SOS2: variants seen among roughly 807,000 people sequenced by gnomAD.
SOS2 encodes the protein son of sevenless homolog 2.
SOS2 carries 65 observed loss-of-function variants against 148.2 expected under a neutral mutation model. The ratio of observed to expected loss-of-function variants is 0.44; its 90% CI spans 0.36 to 0.54. The LOEUF is 0.54. Ranked by LOEUF, SOS2 falls within the 20% of genes least tolerant of loss-of-function variation. SOS2 has a pLI of 0.00. For synonymous variants in SOS2, 539 were observed against 537.1 expected, an observed-to-expected ratio of 1.00 and a Z score of -0.05; for missense variants, 1,341 against 1,590.2, an observed-to-expected ratio of 0.84 and a Z score of 2.67.
rs1372779475 is a variant in SOS2 at position 50,117,887 on chromosome 14, G to A, written c.*457C>T. ...GGTGTTATTCACAATTCTCCTAGAT[G>A]TAAAAACTAGAAGTAAAAACTAGAA... is the stretch of plus-strand genomic sequence containing the variant. On this transcript the variant is annotated 3_prime_UTR_variant, in exon 23 of 23. Coordinates refer to ENST00000216373, the MANE Select transcript of SOS2 (RefSeq NM_006939.4). 1 of 153,672 alleles carries A rather than the reference G, an allele frequency of 6.5e-6. No homozygotes were observed. Among genetic ancestry groups the A allele is most frequent in the East Asian group, 1.9e-4 (1 of 5,226 alleles). 9.5% of individuals were successfully genotyped at this position (153,672 alleles called of 1,614,324 possible).
intron 4 of SOS2, among the ~76,000 whole-genome samples, chr14:50,193,323 T>C (rs533203058): frequency 6.6e-6 from 1 of 152,268 alleles, no homozygotes; most frequent in Non-Finnish European, 1.5e-5. Context: ...ATTACAAGCG[T>C]GAACCACTGT....
chr14:50,203,135 G>GA (rs1466246619), intron 2 of SOS2, among the ~76,000 whole-genome samples: 4 of 152,074 alleles, frequency 2.6e-5, no homozygotes, highest in Non-Finnish European at 5.9e-5. Flanking sequence ...CAAAAAGAAA[G>GA]AAAGAAAGTT....
chr14:50,135,071 CAAAAAAAA>C (rs746540364), intron 18 of SOS2, among the ~76,000 whole-genome samples: 2 of 57,516 alleles, frequency 3.5e-5, no homozygotes, highest in Non-Finnish European at 6.7e-5. Context: ...GAGACTGTCT[CAAAAAAAA>C]AAAAAAAAAA....
chr14:50,202,301 C>T (rs1209212347), intron 2 of SOS2, among the ~76,000 whole-genome samples: 2 of 152,122 alleles, frequency 1.3e-5, no homozygotes, highest in Non-Finnish European at 2.9e-5. Flanking sequence ...GATTCATTGG[C>T]ATGAAAAACA....
intron 12 of SOS2, 177 bp downstream of exon 12, chr14:50,156,822 G>A (rs528812119): frequency 1.9e-4 from 66 of 338,540 alleles, no homozygotes; most frequent in African/African-American, 1.3e-3. Flanking sequence ...TAGCTTCACT[G>A]AGAAAGAACT....
At chr14:50,157,325 G>C (rs1884852840) in intron 11 of SOS2, among the ~76,000 whole-genome samples, 1 of 152,004 alleles carries the variant, frequency 6.6e-6, no homozygotes, top group African/African-American at 2.4e-5. Flanking sequence ...AAAAACTAAA[G>C]TTTTGTCTTT....
chr14:50,148,422 A>G (rs1273152858), intron 14 of SOS2, among the ~76,000 whole-genome samples: 1 of 152,056 alleles, frequency 6.6e-6, no homozygotes, highest in East Asian at 1.9e-4. Flanking sequence ...AAAAAAAAAA[A>G]AAAAAAAATT....
At chr14:50,192,654 A>T (rs184541325) in intron 4 of SOS2, among the ~76,000 whole-genome samples, 1 of 152,310 alleles carries the variant, frequency 6.6e-6, no homozygotes, top group East Asian at 1.9e-4. Flanking sequence ...ACTTGAGGTC[A>T]GGAGTTCGAG....
At chr14:50,125,829 T>C (rs1455292521) in intron 21 of SOS2, among the ~76,000 whole-genome samples, 1 of 152,218 alleles carries the variant, frequency 6.6e-6, no homozygotes, top group Non-Finnish European at 1.5e-5. Flanking sequence ...CTGGCAGTTT[T>C]ATTCTCCGGA....
At chr14:50,145,741 C>A in intron 14 of SOS2, 145 bp from the exon 15 acceptor site, 1 of 526,526 alleles carries the variant, frequency 1.9e-6, no homozygotes, top group Non-Finnish European at 3.4e-6. Flanking sequence ...GGAATAGACC[C>A]AAATAGCTAC....
intron 1 of SOS2, among the ~76,000 whole-genome samples, chr14:50,224,897 A>AAAAAAAAAAGAG (rs1477987016): frequency 6.6e-6 from 1 of 150,776 alleles, no homozygotes. Flanking sequence ...AAAAAAAAAA[A>AAAAAAAAAAGAG]AGAGAGAGAG....
rs149321983 is a variant in SOS2 at position 50,118,671 on chromosome 14, T to G, written c.3672A>C (p.Pro1224=). 3 of 1,613,692 alleles carry G rather than the reference T, an allele frequency of 1.9e-6. No homozygotes were observed. The highest frequency in any genetic ancestry group is 2.5e-6 in the Non-Finnish European group (3 of 1,179,946). Residue 1224 remains proline, a synonymous_variant, in exon 23 of 23, where the codon CCA becomes CCC. Transcript: ENST00000216373. Reference sequence around the variant, plus strand: ...TAAATGGACAGTTTATAAAGTGTTCTGGAGGCCGAAGGGGAACTGGTGGAG... The same window carrying G: ...TAAATGGACAGTTTATAAAGTGTTCGGGAGGCCGAAGGGGAACTGGTGGAG... ...DTPPPVPLRP[P]EHFINCPFNL... is the part of the protein sequence containing the mutation.
intron 7 of SOS2, among the ~76,000 whole-genome samples, chr14:50,178,123 A>G (rs1448041692): frequency 1.3e-5 from 2 of 152,224 alleles, no homozygotes; most frequent in Non-Finnish European, 2.9e-5. Context: ...AGGAGCTGAT[A>G]TGGTTTGATT....
At position 50,182,455 on chromosome 14, in the gene SOS2, A is replaced by G. The variant is rs1398035930; in HGVS notation, c.858+8T>C. On this transcript the variant is annotated splice_region_variant and intron_variant, in intron 6 of 22. Coordinates refer to ENST00000216373, the MANE Select transcript of SOS2 (RefSeq NM_006939.4). Reference sequence around the variant, plus strand: ...TTAATGAGAATATAAGTAGTTTTGTAAACTTACTTCTGCCAAATCTTCAAA... The same window carrying G: ...TTAATGAGAATATAAGTAGTTTTGTGAACTTACTTCTGCCAAATCTTCAAA... The G allele has an allele frequency of 6.2e-7, 1 of 1,613,246 alleles. No individual in the cohort carries two copies. The highest frequency in any genetic ancestry group is 1.3e-5 in the African/African-American group (1 of 74,910).
chr14:50,205,970 G>C (rs1002623749), intron 1 of SOS2, among the ~76,000 whole-genome samples: 2 of 43,600 alleles, frequency 4.6e-5, no homozygotes, highest in African/African-American at 1.6e-4. Context: ...TAAGTCTATA[G>C]GATTTATAGT....
chr14:50,174,281 T>C (rs1885457221), intron 8 of SOS2, among the ~76,000 whole-genome samples, 173 bp downstream of exon 8: 1 of 152,184 alleles, frequency 6.6e-6, no homozygotes, highest in Non-Finnish European at 1.5e-5. Context: ...CAAAAGTTAT[T>C]TCCTTTATAA....
At chr14:50,173,334 AT>A (rs1303373902) in intron 8 of SOS2, among the ~76,000 whole-genome samples, 1 of 152,150 alleles carries the variant, frequency 6.6e-6, no homozygotes, top group Non-Finnish European at 1.5e-5. Context: ...AATATATATG[AT>A]TATTTCTAAT....
chr14:50,231,055 C>T, intron 1 of SOS2, 142 bp downstream of exon 1: 1 of 556,680 alleles, frequency 1.8e-6, no homozygotes, highest in Non-Finnish European at 2.6e-6. Flanking sequence ...ATGCAACAGG[C>T]AATTGTGAGC....
intron 14 of SOS2, 79 bp downstream of exon 14, chr14:50,149,929 T>C: frequency 9.7e-7 from 1 of 1,027,274 alleles, no homozygotes; most frequent in Non-Finnish European, 1.5e-6. Flanking sequence ...CACTCATGAA[T>C]AATGTGCAAA....
Sources: gnomAD v4.1 joint callset for allele counts (sites outside exome capture counted in the v4.1 genomes callset) on GRCh38, gnomAD v4.1.1 for gene constraint, MANE v1.5 for transcripts, NCBI Gene and HGNC (gene_info 2026-07-23, HGNC 2026-07-21) for gene names.